Variants in GALNT18 observed in about 807,000 individuals in gnomAD.
The protein encoded by GALNT18 is polypeptide N-acetylgalactosaminyltransferase 18, also known as GalNAc-transferase 18.
A neutral mutation model predicts 69.5 loss-of-function variants in GALNT18; 44 were observed. That is an observed-to-expected ratio of 0.63 (90% CI 0.50 to 0.81). The LOEUF (loss-of-function observed/expected upper bound fraction) is 0.81, where lower values mean the gene tolerates loss of function less well. GALNT18 is among the 40% of genes least tolerant of loss of function. The pLI is 0.00. For synonymous variants in GALNT18, 364 were observed against 318.2 expected (o/e 1.14, Z -1.53); for missense variants, 715 against 810.0 (o/e 0.88, Z 1.42).
intron 1 of GALNT18, among the ~76,000 whole-genome samples, chr11:11,544,097 G>T (rs558210289): frequency 1.6e-4 from 24 of 152,224 alleles, no homozygotes; most frequent in Non-Finnish European, 2.9e-5. Context: ...AATGGCAGAT[G>T]GGTCTAGCCA....
chr11:11,287,670 T>G (rs1055587662), intron 10 of GALNT18, among the ~76,000 whole-genome samples: 4 of 152,338 alleles, frequency 2.6e-5, no homozygotes, highest in Admixed American at 1.3e-4. Context: ...AGGTAGGTAG[T>G]TTTAGAAGTT....
intron 2 of GALNT18, among the ~76,000 whole-genome samples, chr11:11,433,798 A>G (rs1406121636): frequency 6.6e-6 from 1 of 152,188 alleles, no homozygotes; most frequent in East Asian, 1.9e-4. Flanking sequence ...TCTAGAAGGC[A>G]CTAAGCTCCC....
Position 11,372,739 on chromosome 11 carries a change from C to A in GALNT18, c.978-110G>T. 1 of 852,400 alleles carries A rather than the reference C, an allele frequency of 1.2e-6. No homozygotes were observed. The highest frequency in any genetic ancestry group is 1.5e-5 in the South Asian group (1 of 66,970). 52.8% of individuals were successfully genotyped at this position (852,400 alleles called of 1,614,324 possible). On this transcript the variant is annotated intron_variant, in intron 5 of 10. Transcript: ENST00000227756. This position sits in a 1 kb window ranked among gnomAD's most constrained non-coding sequence, Gnocchi z 4.9. ...CTGGTTCTCTTCCTTCCTTTGCTGCCAGAGCCAGTGTGAGCCTTGTTCTTG... is the reference window on the plus strand; with the variant it reads ...CTGGTTCTCTTCCTTCCTTTGCTGCAAGAGCCAGTGTGAGCCTTGTTCTTG...
At chr11:11,476,776 C>T (rs1856408543) in intron 1 of GALNT18, among the ~76,000 whole-genome samples, 2 of 152,108 alleles carry the variant, frequency 1.3e-5, no homozygotes, top group Non-Finnish European at 2.9e-5. Context: ...TGGGAGATGC[C>T]CACATAACAA....
chr11:11,321,648 G>A (rs970000082), intron 9 of GALNT18, among the ~76,000 whole-genome samples: 2 of 152,214 alleles, frequency 1.3e-5, no homozygotes, highest in African/African-American at 4.8e-5. Flanking sequence ...TGTCGCTCAG[G>A]CTGGAGGGCA....
chr11:11,429,540 A>G (rs1227591714), intron 3 of GALNT18, among the ~76,000 whole-genome samples: 1 of 152,230 alleles, frequency 6.6e-6, no homozygotes, highest in Admixed American at 6.5e-5. Context: ...CAGGGAGGGT[A>G]ATAGTGACAG....
chr11:11,489,577 G>A (rs1856719946), intron 1 of GALNT18, among the ~76,000 whole-genome samples: 1 of 152,190 alleles, frequency 6.6e-6, no homozygotes, highest in African/African-American at 2.4e-5. Context: ...GGCAGGCAGA[G>A]CTTGGGAGTT....
chr11:11,597,370 A>C (rs77880131), intron 1 of GALNT18, among the ~76,000 whole-genome samples: 3,641 of 152,264 alleles, frequency 0.024, 160 homozygotes, highest in African/African-American at 0.083. Flanking sequence ...GGTATTGATT[A>C]TTCCTTAAAT....
At chr11:11,547,976 G>T (rs1451862012) in intron 1 of GALNT18, among the ~76,000 whole-genome samples, 2 of 152,180 alleles carry the variant, frequency 1.3e-5, no homozygotes, top group Non-Finnish European at 2.9e-5. Flanking sequence ...TGCTCAGAGA[G>T]TAAATGGCTG....
rs1004317678 is a variant in GALNT18 at position 11,526,076 on chromosome 11, G to A, written c.236-77140C>T. On this transcript the variant is annotated intron_variant, in intron 1 of 10. Transcript: ENST00000227756. ...TCCAGAGGCAGTGTAGACATTTGCT[G>A]TAAGTATGCTAGGCGTTCTCAGGGA... Among the ~76,000 whole-genome samples the A allele has an allele frequency of 2.1e-4, 32 of 152,162 alleles. 1 individual carries two copies. Among genetic ancestry groups the A allele is most frequent in the Admixed American group, 1.8e-3 (27 of 15,274 alleles).
chr11:11,351,885 A>T, intron 6 of GALNT18: 1 of 1,323,892 alleles, frequency 7.6e-7, no homozygotes, highest in Admixed American at 2.0e-5. Flanking sequence ...CGCAAGCTGC[A>T]TCAAGGAGGG....
At chr11:11,426,487 A>T (rs565983505) in intron 3 of GALNT18, among the ~76,000 whole-genome samples, 1 of 152,356 alleles carries the variant, frequency 6.6e-6, no homozygotes, top group African/African-American at 2.4e-5. Context: ...CCAGATCTAC[A>T]GATTCAAAAT....
At chr11:11,476,406 A>C (rs1856398503) in intron 1 of GALNT18, 1 of 152,196 alleles carries the variant, frequency 6.6e-6, no homozygotes, top group Non-Finnish European at 1.5e-5. Context: ...TCTCAGGTGA[A>C]CAGAGCTAGT....
intron 3 of GALNT18, among the ~76,000 whole-genome samples, chr11:11,409,467 G>C (rs149062054): frequency 2.0e-5 from 3 of 152,110 alleles, no homozygotes; most frequent in Admixed American, 6.5e-5. Flanking sequence ...CCTGGGACTC[G>C]TCAGATCTCT....
In GALNT18 at chr11:11,546,952, T is replaced by C. The variant is rs1858067706; in HGVS notation, c.235+74407A>G. 6.6e-6 allele frequency among the ~76,000 whole-genome samples: 1 copy of C among 152,008 alleles called. No homozygotes were observed. Among genetic ancestry groups the C allele is most frequent in the Non-Finnish European group, 1.5e-5 (1 of 68,006 alleles). On this transcript the variant is annotated intron_variant, in intron 1 of 10. Transcript: ENST00000227756. The surrounding 1 kb of genome is among the most constrained non-coding windows in gnomAD (Gnocchi z 5.8). ...CTTCTTTTTTTTTTTTTAACTCTTG[T>C]CATTTTCATCTGATGCCTCTCTGGG... is the stretch of plus-strand genomic sequence containing the variant.
At chr11:11,579,433 A>AT (rs1307269360) in intron 1 of GALNT18, among the ~76,000 whole-genome samples, 1 of 152,204 alleles carries the variant, frequency 6.6e-6, no homozygotes, top group Non-Finnish European at 1.5e-5. Context: ...GTGTGTCCAA[A>AT]TAAACTCCTA....
At chr11:11,593,641 G>A (rs1280983635) in intron 1 of GALNT18, among the ~76,000 whole-genome samples, 2 of 152,098 alleles carry the variant, frequency 1.3e-5, no homozygotes, top group African/African-American at 4.8e-5. Flanking sequence ...AAAATTTCCA[G>A]GCTTTAGTCC....
intron 1 of GALNT18, among the ~76,000 whole-genome samples, chr11:11,580,888 G>A (rs1356591227): frequency 6.6e-6 from 1 of 152,224 alleles, no homozygotes; most frequent in Non-Finnish European, 1.5e-5. Context: ...CCTGGACTAG[G>A]CAGTGGCATT....
At chr11:11,323,239 C>T (rs960490487) in intron 9 of GALNT18, among the ~76,000 whole-genome samples, 11 of 152,238 alleles carry the variant, frequency 7.2e-5, no homozygotes, top group South Asian at 2.1e-4. Flanking sequence ...ATATCCTCTA[C>T]AGCAGGTAAA....
Sources: gnomAD v4.1 joint callset for allele counts (sites outside exome capture counted in the v4.1 genomes callset) on GRCh38, gnomAD v4.1.1 for gene constraint, Gnocchi (gnomAD v3.1) non-coding constraint, MANE v1.5 for transcripts, NCBI Gene and HGNC (gene_info 2026-07-23, HGNC 2026-07-21) for gene names.